Variants in SBF2 observed in about 807,000 individuals in gnomAD.
The protein encoded by SBF2 is myotubularin-related protein 13.
SBF2 carries 112 observed loss-of-function variants against 225.2 expected under a neutral mutation model. The ratio of observed to expected loss-of-function variants is 0.50; its 90% CI spans 0.43 to 0.58. SBF2 has a LOEUF of 0.58. Ranked by LOEUF, SBF2 falls within the 20% of genes least tolerant of loss-of-function variation. SBF2 has a pLI of 0.00. For synonymous variants in SBF2, 763 were observed against 773.3 expected (o/e 0.99, Z 0.22); for missense variants, 1,996 against 2,206.2 (o/e 0.90, Z 1.91).
chr11:10,118,360 G>A (rs1054328183), intron 2 of SBF2, among the ~76,000 whole-genome samples: 1 of 152,116 alleles, frequency 6.6e-6, no homozygotes, highest in African/African-American at 2.4e-5. Flanking sequence ...AAAGTCAAGT[G>A]TCAGGCAGAA....
At chr11:9,874,647 T>C (rs554405063) in intron 17 of SBF2, among the ~76,000 whole-genome samples, 1 of 152,314 alleles carries the variant, frequency 6.6e-6, no homozygotes, top group Admixed American at 6.5e-5. Context: ...TTTGATGCTG[T>C]GGTCTTCTGA....
chr11:10,176,491 A>G (rs1956469722), intron 2 of SBF2, among the ~76,000 whole-genome samples: 1 of 151,844 alleles, frequency 6.6e-6, no homozygotes, highest in Non-Finnish European at 1.5e-5. Context: ...AGATGCAATA[A>G]AAAATGATAA....
intron 1 of SBF2, among the ~76,000 whole-genome samples, chr11:10,259,458 C>T (rs998419294): frequency 6.6e-6 from 1 of 152,166 alleles, no homozygotes; most frequent in Non-Finnish European, 1.5e-5. Context: ...AACAGGAAAA[C>T]CTTGTCCTTA....
intron 1 of SBF2, among the ~76,000 whole-genome samples, chr11:10,203,493 C>T (rs1163251003): frequency 1.3e-5 from 2 of 152,242 alleles, no homozygotes; most frequent in African/African-American, 2.4e-5. Context: ...TTAATTACAT[C>T]TCAGAACGAA....
chr11:9,934,210 G>C (rs1195700275), intron 16 of SBF2, among the ~76,000 whole-genome samples: 1 of 152,200 alleles, frequency 6.6e-6, no homozygotes, highest in South Asian at 2.1e-4. Flanking sequence ...AAATCTAGAA[G>C]AAATGGATAA....
intron 17 of SBF2, among the ~76,000 whole-genome samples, chr11:9,892,101 G>A (rs1184675446): frequency 2.6e-5 from 4 of 152,054 alleles, no homozygotes; most frequent in Non-Finnish European, 5.9e-5. Flanking sequence ...TGTTAAAAAC[G>A]ATACTTTTAA....
chr11:10,038,994 C>G (rs1949550726), intron 3 of SBF2, among the ~76,000 whole-genome samples: 1 of 151,696 alleles, frequency 6.6e-6, no homozygotes, highest in Non-Finnish European at 1.5e-5. Context: ...GATCACATTA[C>G]CTAGTTGAGT....
intron 2 of SBF2, among the ~76,000 whole-genome samples, chr11:10,060,811 G>A (rs1370043212): frequency 2.0e-5 from 3 of 152,090 alleles, no homozygotes; most frequent in Non-Finnish European, 2.9e-5. Context: ...GGAGGATCAC[G>A]AGGTTAGGCG....
chr11:10,097,796 A>T (rs1952090244), intron 2 of SBF2, among the ~76,000 whole-genome samples: 1 of 152,206 alleles, frequency 6.6e-6, no homozygotes, highest in Admixed American at 6.5e-5. Flanking sequence ...CCCAGTGCCA[A>T]GAGAGATCCA....
chr11:9,868,474 C>A (rs916251406), intron 17 of SBF2, among the ~76,000 whole-genome samples: 1 of 150,778 alleles, frequency 6.6e-6, no homozygotes, highest in African/African-American at 2.4e-5. Context: ...ACTGAGATTG[C>A]GCCACTGCAC....
Position 10,070,233 on chromosome 11 carries a change from T to C in SBF2, c.142-27252A>G, listed in dbSNP as rs1007819750. ...GTTTTAGCCATGAAGTCCTCGCCCATGCCTATGTCGTAAATGGTACTGCCT... is the reference window on the plus strand; with the variant it reads ...GTTTTAGCCATGAAGTCCTCGCCCACGCCTATGTCGTAAATGGTACTGCCT... On this transcript the variant is annotated intron_variant, in intron 2 of 39. Coordinates refer to ENST00000256190, the MANE Select transcript of SBF2 (RefSeq NM_030962.4). 3.9e-5 allele frequency among the ~76,000 whole-genome samples: 6 copies of C among 152,374 alleles called. No homozygotes were observed. The South Asian group carries it at 1.0e-3, about 26-fold the overall frequency.
intron 6 of SBF2, among the ~76,000 whole-genome samples, chr11:10,005,662 G>A (rs561480303): frequency 2.6e-5 from 4 of 152,176 alleles, no homozygotes; most frequent in Admixed American, 1.3e-4. Context: ...ATTTGCTGTC[G>A]GTAACATACT....
intron 2 of SBF2, among the ~76,000 whole-genome samples, chr11:10,127,264 A>T (rs551566582): frequency 6.6e-6 from 1 of 152,240 alleles, no homozygotes; most frequent in South Asian, 2.1e-4. Flanking sequence ...GGAATTAAAG[A>T]TTCTACATAA....
intron 1 of SBF2, among the ~76,000 whole-genome samples, chr11:10,205,928 A>C (rs1565353507): frequency 6.6e-6 from 1 of 151,924 alleles, no homozygotes; most frequent in African/African-American, 2.4e-5. Context: ...CTATGGGCTT[A>C]AGAATTCCCT....
intron 2 of SBF2, among the ~76,000 whole-genome samples, chr11:10,136,915 T>C (rs745838406): frequency 6.6e-6 from 1 of 152,238 alleles, no homozygotes. Context: ...CCTTCAACTT[T>C]CCATATATAT....
At chr11:10,047,736 T>C in intron 2 of SBF2, among the ~76,000 whole-genome samples, 1 of 152,168 alleles carries the variant, frequency 6.6e-6, no homozygotes, top group East Asian at 1.9e-4. Flanking sequence ...GAGAGGGATG[T>C]TAATCATGTT....
intron 2 of SBF2, among the ~76,000 whole-genome samples, chr11:10,078,056 A>G (rs1008130071): frequency 3.3e-5 from 5 of 152,288 alleles, no homozygotes; most frequent in African/African-American, 1.2e-4. Flanking sequence ...ATCACTGGTC[A>G]TTAGAGAAAT....
At chr11:9,798,414 A>G (rs1449821241) in intron 32 of SBF2, among the ~76,000 whole-genome samples, 1 of 152,202 alleles carries the variant, frequency 6.6e-6, no homozygotes, top group East Asian at 1.9e-4. Context: ...CTGGGACAGA[A>G]GAAGGGGACA....
intron 2 of SBF2, among the ~76,000 whole-genome samples, chr11:10,073,699 TG>T (rs1950983238): frequency 6.6e-6 from 1 of 152,186 alleles, no homozygotes; most frequent in East Asian, 1.9e-4. Context: ...CACTCTAGCC[TG>T]GGAGACAGAG....
Sources: gnomAD v4.1 joint callset for allele counts (sites outside exome capture counted in the v4.1 genomes callset) on GRCh38, gnomAD v4.1.1 for gene constraint, MANE v1.5 for transcripts, NCBI Gene and HGNC (gene_info 2026-07-23, HGNC 2026-07-21) for gene names.